Variants in CFAP54 observed in about 807,000 individuals in gnomAD.
The protein encoded by CFAP54 is cilia and flagella associated protein 54.
Under a neutral mutation model 370.4 loss-of-function variants are expected in CFAP54, and 290 were observed. The ratio of observed to expected loss-of-function variants is 0.78; its 90% confidence interval spans 0.71 to 0.86. The LOEUF is 0.86. CFAP54 is among the 40% of genes least tolerant of loss of function. The pLI is 0.00. For missense variants in CFAP54, 3,399 were observed against 3,528.7 expected (o/e 0.96, Z 0.93); for synonymous variants, 1,206 against 1,236.5 (o/e 0.98, Z 0.52).
At chr12:96,588,279 TTC>T (rs1956091912) in intron 22 of CFAP54, among the ~76,000 whole-genome samples, 1 of 152,166 alleles carries the variant, frequency 6.6e-6, no homozygotes, top group Admixed American at 6.6e-5. Flanking sequence ...CTTTTGGAGA[TTC>T]TGTTTTAACT....
At chr12:96,867,055 A>G (rs2136469082) in intron 67 of CFAP54, among the ~76,000 whole-genome samples, 1 of 152,314 alleles carries the variant, frequency 6.6e-6, no homozygotes, top group South Asian at 2.1e-4. Flanking sequence ...GGAATTGTCC[A>G]GAGTTTGTTT....
In CFAP54 at chr12:96,792,474, G is replaced by A; in HGVS notation, c.8825G>A (p.Arg2942Lys). ...CFQWYIPPLD[R>K]PPKETEPMVL... The stretch of plus-strand genomic sequence containing the variant: ...CAATGGTACATTCCTCCCCTGGATA[G>A]ACCTCCCAAGGAGACAGAACCTATG... The change falls in exon 63 of 68, where the codon AGA (arginine) becomes AAA (lysine). Residue 2942 changes from arginine (R) to lysine (K), a missense_variant. Arg to Lys is a conservative substitution (Grantham distance 26, BLOSUM62 2). Coordinates refer to ENST00000524981, the MANE Select transcript of CFAP54 (RefSeq NM_001306084.2). The A allele has an allele frequency of 6.5e-7, 1 of 1,535,420 alleles. No individual in the cohort carries two copies.
intron 66 of CFAP54, among the ~76,000 whole-genome samples, chr12:96,833,376 A>C (rs1487576281): frequency 2.6e-5 from 4 of 152,206 alleles, no homozygotes; most frequent in African/African-American, 9.7e-5. Context: ...CTACGTATAG[A>C]ACATTGGTAT....
intron 9 of CFAP54, among the ~76,000 whole-genome samples, chr12:96,532,624 G>A (rs145294515): frequency 6.6e-5 from 10 of 151,750 alleles, no homozygotes; most frequent in Non-Finnish European, 1.2e-4. Flanking sequence ...CCATTATACC[G>A]TGCCCTTTTT....
chr12:96,546,401 A>ATTTG (rs552038230), intron 14 of CFAP54, among the ~76,000 whole-genome samples: 2 of 151,802 alleles, frequency 1.3e-5, no homozygotes, highest in East Asian at 1.9e-4. Context: ...CTGGCCATGT[A>ATTTG]TTTGTTTGTT....
At chr12:96,767,576 A>G (rs532976271) in intron 60 of CFAP54, among the ~76,000 whole-genome samples, 47 of 152,254 alleles carry the variant, frequency 3.1e-4, no homozygotes, top group Admixed American at 2.5e-3. Context: ...AAGAATAATA[A>G]TTTTGCCTTC....
chr12:96,626,274 T>C lies in CFAP54; in HGVS notation c.3976+467T>C, dbSNP rs141019663. Among the ~76,000 whole-genome samples the C allele has an allele frequency of 4.1e-3, 621 of 151,944 alleles. 4 individuals are homozygous for C. Among genetic ancestry groups the C allele is most frequent in the East Asian group, 0.011 (56 of 5,140 alleles). ...GGTGGTGGGTGCCCGTAATCCCAGC[T>C]TCTCAGGAGGCTGAGGCAGGAGAAT... On this transcript the variant is annotated intron_variant, in intron 29 of 67. Coordinates refer to ENST00000524981, the MANE Select transcript of CFAP54 (RefSeq NM_001306084.2).
chr12:96,527,224 C>CTTT, intron 8 of CFAP54, 22 bp from the exon 9 acceptor site: 1 of 1,358,940 alleles, frequency 7.4e-7, no homozygotes. Flanking sequence ...ATGGACTGAA[C>CTTT]TTTTTTTTTT....
intron 62 of CFAP54, among the ~76,000 whole-genome samples, chr12:96,788,504 A>T (rs1958651008): frequency 6.6e-6 from 1 of 152,216 alleles, no homozygotes. Context: ...TTATAGCTAT[A>T]GATTTTCCCA....
intron 39 of CFAP54, among the ~76,000 whole-genome samples, chr12:96,664,781 A>ATCTATATCTATATCTATATC (rs1565934511): frequency 8.9e-4 from 23 of 25,898 alleles, no homozygotes; most frequent in South Asian, 8.5e-3. Flanking sequence ...CTATATCTAT[A>ATCTATATCTATATCTATATC]TATATATATA....
At chr12:96,664,819 A>C (rs202087143) in intron 39 of CFAP54, among the ~76,000 whole-genome samples, 6,037 of 124,166 alleles carry the variant, frequency 0.049, 291 homozygotes, top group Middle Eastern at 0.076. Flanking sequence ...ATATAGATAT[A>C]TATATGTATA....
intron 39 of CFAP54, among the ~76,000 whole-genome samples, chr12:96,670,616 G>C (rs900407184): frequency 5.3e-5 from 8 of 152,158 alleles, no homozygotes; most frequent in African/African-American, 1.7e-4. Flanking sequence ...GGAACAAACA[G>C]AGGAAGAGCA....
intron 48 of CFAP54, among the ~76,000 whole-genome samples, chr12:96,711,507 C>G (rs1957613970): frequency 6.6e-6 from 1 of 152,166 alleles, no homozygotes; most frequent in Admixed American, 6.5e-5. Flanking sequence ...GGTGGTGAGG[C>G]TGGGTGGAAC....
chr12:96,632,284 T>G (rs1055140608), intron 32 of CFAP54, among the ~76,000 whole-genome samples: 2 of 152,036 alleles, frequency 1.3e-5, no homozygotes, highest in African/African-American at 4.8e-5. Flanking sequence ...ATTCAAAAGT[T>G]TTAATTCTTA....
chr12:96,497,623 C>T (rs1954970672), intron 1 of CFAP54, among the ~76,000 whole-genome samples: 1 of 152,202 alleles, frequency 6.6e-6, no homozygotes, highest in Admixed American at 6.5e-5. Flanking sequence ...GTTGAAGAAA[C>T]AACCTAAAGA....
At chr12:96,670,023 C>G (rs1201372153) in intron 39 of CFAP54, among the ~76,000 whole-genome samples, 10 of 152,188 alleles carry the variant, frequency 6.6e-5, no homozygotes, top group Admixed American at 6.5e-4. Context: ...AGTCTGTTTC[C>G]TGTGCATGCT....
In CFAP54 at chr12:96,693,814, T is replaced by C; in HGVS notation, c.6351+6T>C. The C allele has an allele frequency of 1.3e-6, 2 of 1,518,574 alleles. No individual in the cohort carries two copies. The highest frequency in any genetic ancestry group is 9.1e-7 in the Non-Finnish European group (1 of 1,101,004). 94.1% of individuals were successfully genotyped at this position (1,518,574 alleles called of 1,614,324 possible). On this transcript the variant is annotated splice_donor_region_variant and intron_variant, in intron 45 of 67. Coordinates refer to ENST00000524981, the MANE Select transcript of CFAP54 (RefSeq NM_001306084.2). ...TAGAAGCAAGAATCCTCAAGGTATG[T>C]TACAAGCTTTTAAGACATTTGATAT...
intron 67 of CFAP54, among the ~76,000 whole-genome samples, chr12:96,869,721 A>AG (rs1960100882): frequency 6.6e-6 from 1 of 151,802 alleles, no homozygotes; most frequent in African/African-American, 2.4e-5. Flanking sequence ...GGATCACCTG[A>AG]GGTCGGGAGT....
intron 3 of CFAP54, among the ~76,000 whole-genome samples, chr12:96,506,678 C>A (rs1256058043): frequency 1.3e-5 from 2 of 151,508 alleles, no homozygotes; most frequent in Non-Finnish European, 2.9e-5. Flanking sequence ...CCTCTGCCTC[C>A]CAGGTTCAAA....
Sources: gnomAD v4.1 joint callset for allele counts (sites outside exome capture counted in the v4.1 genomes callset) on GRCh38, gnomAD v4.1.1 for gene constraint, MANE v1.5 for transcripts, NCBI Gene and HGNC (gene_info 2026-07-23, HGNC 2026-07-21) for gene names.